VPS50: variants seen among roughly 807,000 people sequenced by gnomAD.
VPS50 encodes syndetin.
A neutral mutation model predicts 139.7 loss-of-function variants in VPS50; 70 were observed. That is an observed-to-expected ratio of 0.50 (90% CI 0.41 to 0.61). VPS50 has a LOEUF of 0.61. Ranked by LOEUF, VPS50 falls within the 20% of genes least tolerant of loss-of-function variation. The pLI, the probability that VPS50 is intolerant of heterozygous loss-of-function variation, is 0.00. For missense variants in VPS50, 921 were observed against 1,133.7 expected, an observed-to-expected ratio of 0.81 and a Z score of 2.69; for synonymous variants, 365 against 376.7, an observed-to-expected ratio of 0.97 and a Z score of 0.36.
intron 21 of VPS50, among the ~76,000 whole-genome samples, chr7:93,333,224 T>C (rs927381227): frequency 1.3e-5 from 2 of 151,762 alleles, no homozygotes; most frequent in African/African-American, 4.8e-5. Flanking sequence ...ATGGCACAAC[T>C]ATTTTCACGT....
Position 93,358,742 on chromosome 7 carries a change from G to A in VPS50, c.*306G>A, listed in dbSNP as rs1798775201. ...ATGTACCATAAGTATATAATTAGAA[G>A]AACAGTGGCTTAATATATGTATGGG... On this transcript the variant is annotated 3_prime_UTR_variant, in exon 28 of 28. Coordinates refer to ENST00000305866, the MANE Select transcript of VPS50 (RefSeq NM_017667.4). 5.0e-6 allele frequency: 1 copy of A among 200,812 alleles called. No individual in the cohort carries two copies. The allele number at this position is 200,812 out of a possible 1,614,324, so 12.4% of individuals were successfully genotyped here. A position where few individuals can be genotyped will look rare whatever the true frequency, so the allele number is the denominator to read the frequency against.
intron 3 of VPS50, 116 bp downstream of exon 3, chr7:93,252,891 T>C: frequency 4.4e-6 from 3 of 686,160 alleles, no homozygotes; most frequent in Non-Finnish European, 7.3e-6. Context: ...AATAGGTCTG[T>C]GATTACCACA....
intron 20 of VPS50, among the ~76,000 whole-genome samples, chr7:93,320,042 G>A (rs1270841786): frequency 6.6e-6 from 1 of 151,850 alleles, no homozygotes; most frequent in Non-Finnish European, 1.5e-5. Context: ...CACACTCTGA[G>A]TTTTCTTTGT....
intron 21 of VPS50, among the ~76,000 whole-genome samples, chr7:93,330,818 A>C (rs568620410): frequency 1.3e-5 from 2 of 151,040 alleles, no homozygotes; most frequent in East Asian, 3.9e-4. Flanking sequence ...AGTCTTTGTC[A>C]TAAGATAAGA....
intron 23 of VPS50, among the ~76,000 whole-genome samples, chr7:93,346,079 C>T (rs1373879814): frequency 1.3e-5 from 2 of 152,194 alleles, no homozygotes; most frequent in Non-Finnish European, 2.9e-5. Flanking sequence ...CTACAAAACC[C>T]CATTGTCTCA....
intron 21 of VPS50, 72 bp downstream of exon 21, chr7:93,323,804 C>A (rs1797688539): frequency 1.3e-6 from 1 of 776,268 alleles, no homozygotes. Context: ...GTTTTTCATT[C>A]TCTCTATAGA....
intron 1 of VPS50, among the ~76,000 whole-genome samples, chr7:93,235,488 A>C (rs1794772157): frequency 6.6e-6 from 1 of 152,158 alleles, no homozygotes; most frequent in Non-Finnish European, 1.5e-5. Flanking sequence ...CTACTGTGGT[A>C]ATCCAGGTGA....
At chr7:93,249,741 G>A (rs2116811656) in intron 2 of VPS50, among the ~76,000 whole-genome samples, 1 of 152,228 alleles carries the variant, frequency 6.6e-6, no homozygotes, top group East Asian at 1.9e-4. Context: ...TACAGTATAT[G>A]AAGCTGATAT....
At chr7:93,356,648 C>T (rs548330423) in intron 27 of VPS50, among the ~76,000 whole-genome samples, 4 of 151,984 alleles carry the variant, frequency 2.6e-5, no homozygotes, top group Non-Finnish European at 5.9e-5. Flanking sequence ...ATATAGATAA[C>T]GAAAAATACT....
At chr7:93,303,358 C>T in intron 16 of VPS50, 102 bp from the exon 17 acceptor site, 2 of 488,134 alleles carry the variant, frequency 4.1e-6, no homozygotes, top group Non-Finnish European at 7.3e-6. Flanking sequence ...ATGATCATGA[C>T]AATAATCCTA....
At chr7:93,256,047 T>C (rs1309531707) in intron 4 of VPS50, among the ~76,000 whole-genome samples, 4 of 152,318 alleles carry the variant, frequency 2.6e-5, no homozygotes, top group Admixed American at 2.6e-4. Context: ...TTTTCAGAAG[T>C]GGAGGACCAA....
chr7:93,281,976 G>A (rs1053473444), intron 12 of VPS50, among the ~76,000 whole-genome samples: 21 of 152,118 alleles, frequency 1.4e-4, no homozygotes, highest in African/African-American at 4.3e-4. Context: ...AGGCTGAGGC[G>A]GGTGGATCAC....
intron 21 of VPS50, among the ~76,000 whole-genome samples, chr7:93,328,129 A>C (rs1447783092): frequency 1.3e-5 from 2 of 152,174 alleles, no homozygotes; most frequent in Non-Finnish European, 1.5e-5. Flanking sequence ...ATTGGATTCT[A>C]TTATAATAAT....
chr7:93,323,556 GACTA>G (rs1797681812), intron 20 of VPS50, 51 bp from the exon 21 acceptor site: 3 of 671,188 alleles, frequency 4.5e-6, no homozygotes, highest in Admixed American at 6.6e-5. Flanking sequence ...TATAATTATA[GACTA>G]ACAGATTTTA....
At chr7:93,338,932 A>C (rs1323816308) in intron 22 of VPS50, among the ~76,000 whole-genome samples, 1 of 152,172 alleles carries the variant, frequency 6.6e-6, no homozygotes, top group African/African-American at 2.4e-5. Context: ...AAATAGTAAC[A>C]TCCGGAAGGA....
At position 93,287,725 on chromosome 7, in the gene VPS50, G is replaced by A. The variant is rs1375979333; in HGVS notation, c.943-3978G>A. On this transcript the variant is annotated intron_variant, in intron 12 of 27. Transcript: ENST00000305866. ...TAAAAGTTAGAACTACTGACTTGTAGAGGAGTACCTTTATTTGGGTATGAT... is the reference window on the plus strand; with the variant it reads ...TAAAAGTTAGAACTACTGACTTGTAAAGGAGTACCTTTATTTGGGTATGAT... Among the ~76,000 whole-genome samples the A allele has an allele frequency of 3.9e-5, 6 of 152,240 alleles. No homozygotes were observed. The East Asian group carries it at 9.7e-4, about 24-fold the overall frequency.
At chr7:93,283,549 T>G (rs1337936377) in intron 12 of VPS50, among the ~76,000 whole-genome samples, 1 of 152,118 alleles carries the variant, frequency 6.6e-6, no homozygotes, top group Non-Finnish European at 1.5e-5. Flanking sequence ...TGAGCTTTTC[T>G]TACTCAGTCG....
intron 1 of VPS50, among the ~76,000 whole-genome samples, chr7:93,234,316 A>G (rs933954852): frequency 2.0e-5 from 3 of 152,186 alleles, no homozygotes; most frequent in East Asian, 1.9e-4. Flanking sequence ...ATGTAATGCA[A>G]TTGTGCTGAA....
chr7:93,331,289 C>A, intron 21 of VPS50, among the ~76,000 whole-genome samples: 1 of 146,892 alleles, frequency 6.8e-6, no homozygotes, highest in African/African-American at 2.5e-5. Flanking sequence ...ATACAAAAAG[C>A]AAAAGATTCA....
Sources: gnomAD v4.1 joint callset for allele counts (sites outside exome capture counted in the v4.1 genomes callset) on GRCh38, gnomAD v4.1.1 for gene constraint, MANE v1.5 for transcripts, NCBI Gene and HGNC (gene_info 2026-07-23, HGNC 2026-07-21) for gene names.